The following GPC5 variants were observed in gnomAD, a reference collection of about 807,000 sequenced individuals.
GPC5 encodes the protein glypican 5, also known as glypican-5.
A neutral mutation model predicts 53.9 loss-of-function variants in GPC5; 47 were observed. That is an observed-to-expected ratio of 0.87 (90% CI 0.69 to 1.11). The LOEUF is 1.11. Ranked by LOEUF, GPC5 falls within the 50% of genes most tolerant of loss-of-function variation. The pLI is 0.00. For synonymous variants in GPC5, 286 were observed against 263.3 expected, an observed-to-expected ratio of 1.09 and a Z score of -0.84; for missense variants, 748 against 713.1, an observed-to-expected ratio of 1.05 and a Z score of -0.56.
chr13:91,601,671 G>A (rs1183481681), intron 2 of GPC5, among the ~76,000 whole-genome samples: 1 of 152,072 alleles, frequency 6.6e-6, no homozygotes, highest in African/African-American at 2.4e-5. Flanking sequence ...CCTCTGTTAC[G>A]AGAATCTAAA....
At chr13:92,421,235 A>G (rs1280180813) in intron 7 of GPC5, among the ~76,000 whole-genome samples, 1 of 152,160 alleles carries the variant, frequency 6.6e-6, no homozygotes, top group African/African-American at 2.4e-5. Context: ...CACAACACAC[A>G]ATTCAAAATG....
intron 2 of GPC5, among the ~76,000 whole-genome samples, chr13:91,660,762 T>C (rs1198498629): frequency 6.6e-6 from 1 of 152,316 alleles, no homozygotes; most frequent in Non-Finnish European, 1.5e-5. Flanking sequence ...GGACCATTTC[T>C]ATCTCAGAAA....
intron 1 of GPC5, among the ~76,000 whole-genome samples, chr13:91,431,526 G>A (rs1206695176): frequency 5.9e-5 from 9 of 152,134 alleles, no homozygotes; most frequent in African/African-American, 1.2e-4. Flanking sequence ...TTGTCTCCAC[G>A]GTGAAATAGA....
At chr13:92,719,172 C>A in intron 7 of GPC5, among the ~76,000 whole-genome samples, 1 of 150,240 alleles carries the variant, frequency 6.7e-6, no homozygotes, top group East Asian at 2.1e-4. Flanking sequence ...CTATAGCCCC[C>A]CCCCACATAA....
In GPC5 at chr13:91,667,591, C is replaced by A. The variant is rs60005968; in HGVS notation, c.326-25596C>A. Among the ~76,000 whole-genome samples, 857 of 152,244 alleles carry A rather than the reference C, an allele frequency of 5.6e-3. 4 individuals are homozygous for A. The highest frequency in any genetic ancestry group is 0.02 in the African/African-American group (823 of 41,536). On this transcript the variant is annotated intron_variant, in intron 2 of 7. Coordinates refer to ENST00000377067, the MANE Select transcript of GPC5 (RefSeq NM_004466.6). ...ATTCTGTGATGCACTGGGGATCAAT[C>A]GCCAGTCTCTCCCCCATATCTCCCT...
At chr13:91,910,297 C>T (rs1171842161) in intron 6 of GPC5, among the ~76,000 whole-genome samples, 1 of 152,156 alleles carries the variant, frequency 6.6e-6, no homozygotes, top group Non-Finnish European at 1.5e-5. Flanking sequence ...TGGCTAACAG[C>T]ACCTCCACAA....
At chr13:92,284,838 G>T (rs1350857581) in intron 7 of GPC5, among the ~76,000 whole-genome samples, 1 of 152,154 alleles carries the variant, frequency 6.6e-6, no homozygotes, top group Non-Finnish European at 1.5e-5. Context: ...GCACAAGACA[G>T]GGATGCCCTC....
At chr13:91,449,005 G>A in intron 2 of GPC5, 83 bp downstream of exon 2, 2 of 1,425,124 alleles carry the variant, frequency 1.4e-6, no homozygotes, top group Non-Finnish European at 1.9e-6. Context: ...AAACTTGGCT[G>A]GGTTTATTTC....
intron 7 of GPC5, among the ~76,000 whole-genome samples, chr13:92,603,888 A>G (rs139230612): frequency 6.6e-6 from 1 of 152,288 alleles, no homozygotes; most frequent in East Asian, 1.9e-4. Flanking sequence ...TACAGGAGGT[A>G]TATCACTGTC....
chr13:91,450,816 G>A lies in GPC5; in HGVS notation c.325+1894G>A, dbSNP rs368636212. Among the ~76,000 whole-genome samples, 13 of 152,150 alleles carry A rather than the reference G, an allele frequency of 8.5e-5. No homozygotes were observed. In the East Asian group the frequency reaches 2.1e-3, roughly 25 times the overall value. ...TAATTTCTTCCTTAGTAGATGTCAA[G>A]TTTTATTTAAGAAGCTCAAGGGAAG... On this transcript the variant is annotated intron_variant, in intron 2 of 7. Transcript: ENST00000377067.
chr13:92,748,977 T>C (rs931809393), intron 7 of GPC5, among the ~76,000 whole-genome samples: 5 of 152,198 alleles, frequency 3.3e-5, no homozygotes, highest in East Asian at 1.9e-4. Context: ...AGTTTCTGTG[T>C]TTAACACTTC....
intron 6 of GPC5, among the ~76,000 whole-genome samples, chr13:92,068,378 G>A (rs192252159): frequency 1.8e-4 from 27 of 151,692 alleles, no homozygotes; most frequent in East Asian, 5.8e-4. Context: ...TATTGTAACC[G>A]GTGATCCTGA....
chr13:91,539,788 A>G (rs1239506067), intron 2 of GPC5, among the ~76,000 whole-genome samples: 12 of 152,204 alleles, frequency 7.9e-5, no homozygotes, highest in Non-Finnish European at 1.6e-4. Context: ...ATTGTTCAGT[A>G]TGTGTCAAAT....
rs10603242 is a variant in GPC5 at position 91,562,188 on chromosome 13, T to TAAAA, written c.325+113290_325+113293dup. ...ATCAAAAGAGAAAAAGGAGCAACAG[T>TAAAA]AAAAAAAAAAAAAAAAAAAAAAAAA... On this transcript the variant is annotated intron_variant, in intron 2 of 7. Coordinates refer to ENST00000377067, the MANE Select transcript of GPC5 (RefSeq NM_004466.6). 1.7e-3 allele frequency among the ~76,000 whole-genome samples: 78 copies of TAAAA among 45,058 alleles called. 3 individuals are homozygous for TAAAA. The highest frequency in any genetic ancestry group is 5.0e-3 in the South Asian group (6 of 1,212). The allele number at this position is 45,058 out of a possible 152,430, so 29.6% of individuals were successfully genotyped here. A position where few individuals can be genotyped will look rare whatever the true frequency, so the allele number is the denominator to read the frequency against.
chr13:92,763,821 G>A (rs1174400436), intron 7 of GPC5, among the ~76,000 whole-genome samples: 1 of 152,178 alleles, frequency 6.6e-6, no homozygotes, highest in Admixed American at 6.6e-5. Context: ...CAACTCTAAG[G>A]AGGAAGTGGT....
intron 7 of GPC5, among the ~76,000 whole-genome samples, chr13:92,735,044 A>C (rs1888903336): frequency 6.6e-6 from 1 of 151,956 alleles, no homozygotes; most frequent in African/African-American, 2.4e-5. Flanking sequence ...TTTGGAATAA[A>C]AAAACAGCTT....
intron 5 of GPC5, among the ~76,000 whole-genome samples, chr13:91,870,401 A>C (rs2039131742): frequency 6.6e-6 from 1 of 152,168 alleles, no homozygotes. Flanking sequence ...AAAATATTAG[A>C]ATGTAAGGAA....
chr13:92,290,667 C>A (rs1438868061), intron 7 of GPC5, among the ~76,000 whole-genome samples: 4 of 152,194 alleles, frequency 2.6e-5, no homozygotes, highest in African/African-American at 9.7e-5. Flanking sequence ...TTAACTCATT[C>A]CTTTTTATGG....
intron 7 of GPC5, among the ~76,000 whole-genome samples, chr13:92,293,422 C>CTTTTTTTT (rs748125673): frequency 2.6e-5 from 2 of 77,272 alleles, no homozygotes; most frequent in East Asian, 4.4e-4. Context: ...TGGTTGGTTT[C>CTTTTTTTT]TTTTTTTTTT....
Sources: allele counts gnomAD v4.1 joint callset (sites outside exome capture counted in the v4.1 genomes callset), GRCh38; gene constraint gnomAD v4.1.1; transcripts MANE v1.5; gene names NCBI Gene and HGNC (gene_info 2026-07-23, HGNC 2026-07-21).